TRIM44: variants seen among roughly 807,000 people sequenced by gnomAD.
TRIM44 encodes tripartite motif containing 44.
A neutral mutation model predicts 37.4 loss-of-function variants in TRIM44; 13 were observed. The observed-to-expected ratio is 0.35, with a 90% CI of 0.23 to 0.55. TRIM44 has a LOEUF of 0.55. Ranked by LOEUF, TRIM44 falls within the 20% of genes least tolerant of loss-of-function variation. The pLI is 0.89. For missense variants in TRIM44, 426 were observed against 437.2 expected, an observed-to-expected ratio of 0.97 and a Z score of 0.23; for synonymous variants, 175 against 157.2, an observed-to-expected ratio of 1.11 and a Z score of -0.85.
intron 4 of TRIM44, among the ~76,000 whole-genome samples, chr11:35,796,831 A>C (rs565624193): frequency 1.3e-5 from 2 of 152,340 alleles, no homozygotes; most frequent in African/African-American, 4.8e-5. Context: ...TTTTAAAGAG[A>C]TGGAACAGAT....
chr11:35,781,027 T>C (rs188465129), intron 4 of TRIM44, among the ~76,000 whole-genome samples: 18 of 152,146 alleles, frequency 1.2e-4, no homozygotes, highest in African/African-American at 3.6e-4. Context: ...TTGATAGTCA[T>C]GTGAGAAAGC....
intron 2 of TRIM44, among the ~76,000 whole-genome samples, chr11:35,720,670 A>G (rs1852096045): frequency 6.6e-6 from 1 of 152,094 alleles, no homozygotes; most frequent in Non-Finnish European, 1.5e-5. Context: ...TGTTGGCTGT[A>G]GGTAATTGTA....
At chr11:35,803,132 A>T (rs750444742) in intron 4 of TRIM44, among the ~76,000 whole-genome samples, 2 of 152,214 alleles carry the variant, frequency 1.3e-5, no homozygotes, top group Non-Finnish European at 2.9e-5. Flanking sequence ...CTTACGTAAG[A>T]TCCCACAGTT....
At chr11:35,710,705 G>A (rs1304060945) in intron 2 of TRIM44, among the ~76,000 whole-genome samples, 2 of 152,176 alleles carry the variant, frequency 1.3e-5, no homozygotes, top group Admixed American at 6.5e-5. Context: ...GGTATAGAGA[G>A]GGAGACAACC....
intron 4 of TRIM44, among the ~76,000 whole-genome samples, chr11:35,782,188 C>A (rs1019155897): frequency 6.6e-6 from 1 of 152,014 alleles, no homozygotes; most frequent in African/African-American, 2.4e-5. Context: ...TGAAGTCCAG[C>A]GGGTGGGGGG....
intron 2 of TRIM44, among the ~76,000 whole-genome samples, chr11:35,691,537 C>T (rs552984189): frequency 3.9e-5 from 6 of 152,314 alleles, no homozygotes; most frequent in East Asian, 1.9e-4. Context: ...CTACCTTAAA[C>T]GTGTGCAGGA....
chr11:35,678,251 T>A (rs1851482172), intron 1 of TRIM44, among the ~76,000 whole-genome samples: 1 of 152,156 alleles, frequency 6.6e-6, no homozygotes, highest in African/African-American at 2.4e-5. Context: ...GGCTGTTGGG[T>A]AGCAAGAGTG....
intron 3 of TRIM44, among the ~76,000 whole-genome samples, chr11:35,727,981 C>G (rs142188722): frequency 6.6e-6 from 1 of 152,162 alleles, no homozygotes; most frequent in African/African-American, 2.4e-5. Flanking sequence ...CTATCAAGTT[C>G]GACCCCTTCA....
At position 35,813,038 on chromosome 11, in the gene TRIM44, A is replaced by T. The variant is rs1853544978; in HGVS notation, c.*6653A>T. 6.6e-6 allele frequency: 1 copy of T among 152,224 alleles called. No individual in the cohort carries two copies. Among genetic ancestry groups the T allele is most frequent in the Admixed American group, 6.5e-5 (1 of 15,278 alleles). The allele number at this position is 152,224 out of a possible 1,614,324, so 9.4% of individuals were successfully genotyped here. On this transcript the variant is annotated 3_prime_UTR_variant, in exon 5 of 5. Transcript: ENST00000299413. The stretch of plus-strand genomic sequence containing the variant: ...TTAAACATGTTGAAGGCTCTCCAAC[A>T]GCTTGACGTCAGGCCAGCTTCATAT...
chr11:35,680,528 G>A (rs375072767), intron 1 of TRIM44, among the ~76,000 whole-genome samples: 39 of 151,426 alleles, frequency 2.6e-4, no homozygotes, highest in African/African-American at 7.5e-4. Context: ...TTGCTATGTC[G>A]TATTCCACAG....
intron 1 of TRIM44, among the ~76,000 whole-genome samples, chr11:35,670,348 G>T (rs1346518487): frequency 3.3e-5 from 5 of 152,186 alleles, no homozygotes; most frequent in African/African-American, 1.2e-4. Context: ...TCCTCTTGAT[G>T]ACTTCTGTAC....
At chr11:35,758,245 A>AT (rs1190274196) in intron 4 of TRIM44, among the ~76,000 whole-genome samples, 3 of 151,976 alleles carry the variant, frequency 2.0e-5, no homozygotes, top group African/African-American at 7.2e-5. Flanking sequence ...TCCCTTTGCC[A>AT]TTATGTAATG....
At chr11:35,800,211 T>A (rs1201995428) in intron 4 of TRIM44, among the ~76,000 whole-genome samples, 1 of 152,206 alleles carries the variant, frequency 6.6e-6, no homozygotes, top group Non-Finnish European at 1.5e-5. Flanking sequence ...ACTTCAGGAA[T>A]GAAGCCACGG....
chr11:35,689,015 C>G (rs978471082), intron 2 of TRIM44, among the ~76,000 whole-genome samples: 1 of 151,992 alleles, frequency 6.6e-6, no homozygotes, highest in Non-Finnish European at 1.5e-5. Context: ...GCTTATGAAA[C>G]AAGTTGAGCA....
At chr11:35,671,269 A>C (rs1244053813) in intron 1 of TRIM44, among the ~76,000 whole-genome samples, 1 of 152,248 alleles carries the variant, frequency 6.6e-6, no homozygotes, top group African/African-American at 2.4e-5. Context: ...AGAGAGGGAC[A>C]GGAAATATCC....
intron 4 of TRIM44, among the ~76,000 whole-genome samples, chr11:35,780,817 A>G (rs1853053552): frequency 6.7e-6 from 1 of 148,880 alleles, no homozygotes; most frequent in African/African-American, 2.5e-5. Flanking sequence ...GGATCGACTC[A>G]GTGAACACAT....
chr11:35,743,671 A>G (rs1852443956), intron 4 of TRIM44, among the ~76,000 whole-genome samples: 1 of 152,164 alleles, frequency 6.6e-6, no homozygotes, highest in Non-Finnish European at 1.5e-5. Flanking sequence ...CGTTTATTAC[A>G]TAAAAGACAC....
At chr11:35,687,972 T>G (rs1851600058) in intron 2 of TRIM44, among the ~76,000 whole-genome samples, 2 of 152,210 alleles carry the variant, frequency 1.3e-5, no homozygotes, top group South Asian at 4.1e-4. Context: ...AATTGCAGAA[T>G]GACTGCCAGG....
At chr11:35,727,748 G>T (rs772475935) in intron 3 of TRIM44, among the ~76,000 whole-genome samples, 2 of 152,188 alleles carry the variant, frequency 1.3e-5, no homozygotes, top group Non-Finnish European at 1.5e-5. Flanking sequence ...TAGAGCCAGG[G>T]TTTAGATTTA....
Sources: gnomAD v4.1 joint callset for allele counts (sites outside exome capture counted in the v4.1 genomes callset) on GRCh38, gnomAD v4.1.1 for gene constraint, MANE v1.5 for transcripts, NCBI Gene and HGNC (gene_info 2026-07-23, HGNC 2026-07-21) for gene names.